PCDH11X: variants seen among roughly 807,000 people sequenced by gnomAD.
PCDH11X encodes the protein protocadherin 11 X-linked, also known as protocadherin-11 X-linked.
PCDH11X carries 18 observed loss-of-function variants against 53.3 expected under a neutral mutation model. The ratio of observed to expected loss-of-function variants is 0.34; its 90% CI spans 0.23 to 0.50. The LOEUF (loss-of-function observed/expected upper bound fraction) is 0.50, where lower values mean the gene tolerates loss of function less well. PCDH11X is among the 20% of genes least tolerant of loss of function. The pLI is 0.98. For synonymous variants in PCDH11X, 279 were observed against 393.3 expected (o/e 0.71, Z 3.44); for missense variants, 570 against 1,032.4 (o/e 0.55, Z 6.14).
intron 7 of PCDH11X, among the ~76,000 whole-genome samples, chrX:92,261,255 G>A (rs756291857): frequency 2.1e-4 from 23 of 111,253 alleles, no homozygotes; most frequent in Middle Eastern, 4.6e-3. Flanking sequence ...AAAGACTATC[G>A]TTTTAATATT....
At chrX:92,181,849 G>A (rs2066002326) in intron 6 of PCDH11X, among the ~76,000 whole-genome samples, 1 of 112,716 alleles carries the variant, frequency 8.9e-6, no homozygotes, top group South Asian at 3.6e-4. Context: ...CAAGGCAGAA[G>A]TTTGCTGCAG....
chrX:92,472,048 C>T (rs111397589), intron 10 of PCDH11X, among the ~76,000 whole-genome samples: 15,932 of 109,499 alleles, frequency 0.15, 976 homozygotes, highest in Non-Finnish European at 0.2. Context: ...TCTGTCATTC[C>T]ATAGATTGTT....
chrX:92,113,513 C>A (rs2064565368), intron 6 of PCDH11X: 1 of 1,201,277 alleles, frequency 8.3e-7, no homozygotes, highest in African/African-American at 1.8e-5. Flanking sequence ...GAACGAAACT[C>A]CCTCGTGATC....
chrX:92,094,388 G>A (rs1233500605), intron 6 of PCDH11X, among the ~76,000 whole-genome samples: 1 of 110,232 alleles, frequency 9.1e-6, no homozygotes, highest in Non-Finnish European at 1.9e-5. Flanking sequence ...ATTAGAAATA[G>A]AGATTTGATT....
intron 6 of PCDH11X, among the ~76,000 whole-genome samples, chrX:92,161,052 G>T (rs1221016004): frequency 9.0e-6 from 1 of 110,556 alleles, no homozygotes; most frequent in Non-Finnish European, 1.9e-5. Context: ...TGAGTTCCTT[G>T]TAGATTCTGG....
intron 9 of PCDH11X, among the ~76,000 whole-genome samples, chrX:92,401,517 T>G (rs2071387504): frequency 9.0e-6 from 1 of 111,686 alleles, no homozygotes; most frequent in Non-Finnish European, 1.9e-5. Context: ...CTGTATTACA[T>G]GAGACCAAGC....
intron 8 of PCDH11X, among the ~76,000 whole-genome samples, chrX:92,346,700 T>A (rs984496206): frequency 2.0e-4 from 23 of 112,250 alleles, no homozygotes; most frequent in African/African-American, 7.4e-4. Flanking sequence ...ATTCTTTTAC[T>A]TGACGTTCAA....
intron 5 of PCDH11X, among the ~76,000 whole-genome samples, chrX:91,860,919 G>C (rs1183701127): frequency 9.0e-6 from 1 of 111,226 alleles, no homozygotes; most frequent in Non-Finnish European, 1.9e-5. Flanking sequence ...TTGGCCTGAA[G>C]TTTCATTATT....
chrX:92,277,610 G>A (rs61981344), intron 8 of PCDH11X, among the ~76,000 whole-genome samples: 1 of 108,376 alleles, frequency 9.2e-6, no homozygotes, highest in East Asian at 3.0e-4. Flanking sequence ...AGTGGTTGGG[G>A]CTCAGAGATA....
At chrX:92,437,848 C>G (rs1322222213) in intron 9 of PCDH11X, among the ~76,000 whole-genome samples, 1 of 109,839 alleles carries the variant, frequency 9.1e-6, no homozygotes, top group Non-Finnish European at 1.9e-5. Context: ...ATGACTAAAC[C>G]TTGCAGAGAA....
intron 10 of PCDH11X, among the ~76,000 whole-genome samples, chrX:92,492,695 T>G (rs1432521929): frequency 9.2e-6 from 1 of 108,794 alleles, no homozygotes; most frequent in Non-Finnish European, 1.9e-5. Flanking sequence ...AGGAATGGAA[T>G]GTACTTTGTC....
At chrX:92,520,506 A>G (rs113939312) in intron 10 of PCDH11X, among the ~76,000 whole-genome samples, 28,230 of 95,260 alleles carry the variant, frequency 0.3, 4,116 homozygotes, top group Non-Finnish European at 0.38. Flanking sequence ...TAGAAACAGG[A>G]TTTTGCCATG....
Position 91,883,577 on chromosome X carries a change from G to A in PCDH11X, c.3033+4304G>A, listed in dbSNP as rs1333118950. ...TCCCAGCACTTTGGGAGGCCGAGGCGGGTGGATCACGAGGTCAGGAGATTG... is the reference window on the plus strand; with the variant it reads ...TCCCAGCACTTTGGGAGGCCGAGGCAGGTGGATCACGAGGTCAGGAGATTG... On this transcript the variant is annotated intron_variant, in intron 6 of 10. Coordinates refer to ENST00000682573, the MANE Select transcript of PCDH11X (RefSeq NM_032968.5). 13 of 679,985 alleles carry A rather than the reference G, an allele frequency of 1.9e-5. No individual in the cohort carries two copies. In the East Asian group the frequency reaches 1.1e-3, roughly 59 times the overall value. The allele number at this position is 679,985 out of a possible 1,213,427, so 56.0% of individuals were successfully genotyped here.
chrX:92,350,414 G>T (rs1218137774), intron 8 of PCDH11X, among the ~76,000 whole-genome samples: 2 of 111,172 alleles, frequency 1.8e-5, no homozygotes, highest in East Asian at 2.9e-4. Flanking sequence ...TTTGCCTCCT[G>T]GGGTTTTCCC....
chrX:92,456,681 A>C (rs1488342476), intron 9 of PCDH11X, among the ~76,000 whole-genome samples: 1 of 111,611 alleles, frequency 9.0e-6, no homozygotes, highest in Admixed American at 9.6e-5. Context: ...TGTCAGACTG[A>C]TAAAATAAGT....
intron 8 of PCDH11X, among the ~76,000 whole-genome samples, chrX:92,320,999 G>C (rs1398578244): frequency 9.3e-6 from 1 of 107,062 alleles, no homozygotes; most frequent in Non-Finnish European, 1.9e-5. Flanking sequence ...CACATGAAAG[G>C]GGCTTTTCTG....
At chrX:92,054,685 T>C (rs2083569839) in intron 6 of PCDH11X, among the ~76,000 whole-genome samples, 1 of 109,627 alleles carries the variant, frequency 9.1e-6, no homozygotes, top group Non-Finnish European at 1.9e-5. Flanking sequence ...CTGGGCATGG[T>C]GGCACATGCC....
intron 7 of PCDH11X, among the ~76,000 whole-genome samples, chrX:92,233,773 T>C (rs1178500953): frequency 8.9e-6 from 1 of 112,371 alleles, no homozygotes; most frequent in Non-Finnish European, 1.9e-5. Context: ...ACTTAACTAA[T>C]AAAGGCCACA....
At chrX:92,314,595 T>C (rs1467405201) in intron 8 of PCDH11X, among the ~76,000 whole-genome samples, 1 of 111,484 alleles carries the variant, frequency 9.0e-6, no homozygotes, top group Non-Finnish European at 1.9e-5. Context: ...GTGCAATAGG[T>C]TTGTTGACAC....
Sources: allele counts gnomAD v4.1 joint callset (sites outside exome capture counted in the v4.1 genomes callset), GRCh38; gene constraint gnomAD v4.1.1; transcripts MANE v1.5; gene names NCBI Gene and HGNC (gene_info 2026-07-23, HGNC 2026-07-21).